The following ZCCHC4 variants were observed in gnomAD, a reference collection of about 807,000 sequenced individuals.
The protein encoded by ZCCHC4 is rRNA N(6)-adenosine-methyltransferase ZCCHC4.
ZCCHC4 carries 54 observed loss-of-function variants against 67.7 expected under a neutral mutation model. The observed-to-expected ratio is 0.80, with a 90% CI of 0.64 to 1.00. The LOEUF (loss-of-function observed/expected upper bound fraction) is 1.00. Ranked by LOEUF, ZCCHC4 falls within the 50% of genes least tolerant of loss-of-function variation. The pLI, the probability that ZCCHC4 is intolerant of heterozygous loss-of-function variation, is 0.00. For missense variants in ZCCHC4, 609 were observed against 617.0 expected (o/e 0.99, Z 0.14); for synonymous variants, 198 against 213.5 (o/e 0.93, Z 0.63).
intron 4 of ZCCHC4, 99 bp from the exon 5 acceptor site, chr4:25,333,809 A>G (rs1182537033): frequency 1.1e-6 from 1 of 886,426 alleles, no homozygotes; most frequent in Non-Finnish European, 1.7e-6. Flanking sequence ...TTGAAATATC[A>G]TAAATACCAG....
chr4:25,328,550 C>G (rs143289069), intron 3 of ZCCHC4, among the ~76,000 whole-genome samples: 2 of 151,316 alleles, frequency 1.3e-5, no homozygotes, highest in East Asian at 4.0e-4. Context: ...CACAATCTAT[C>G]TTTTTTCCTC....
At chr4:25,337,274 T>A (rs1719505221) in intron 5 of ZCCHC4, among the ~76,000 whole-genome samples, 1 of 152,234 alleles carries the variant, frequency 6.6e-6, no homozygotes, top group Non-Finnish European at 1.5e-5. Context: ...CAGGCTTTAG[T>A]CTAGTTGAGA....
intron 3 of ZCCHC4, among the ~76,000 whole-genome samples, chr4:25,317,332 C>T (rs192201858): frequency 1.4e-4 from 21 of 152,194 alleles, no homozygotes; most frequent in Non-Finnish European, 2.4e-4. Flanking sequence ...TTGATTGTCC[C>T]TTAACTACAG....
chr4:25,360,990 C>A (rs1433092696), intron 8 of ZCCHC4, among the ~76,000 whole-genome samples: 4 of 152,160 alleles, frequency 2.6e-5, no homozygotes, highest in Non-Finnish European at 5.9e-5. Flanking sequence ...GTACTGATAC[C>A]TGGGTGGTCT....
At chr4:25,314,861 T>C (rs1718169903) in intron 2 of ZCCHC4, among the ~76,000 whole-genome samples, 2 of 152,294 alleles carry the variant, frequency 1.3e-5, no homozygotes, top group South Asian at 4.1e-4. Context: ...TTTTTGAACA[T>C]TTGCATTGAA....
chr4:25,355,441 G>T (rs1720479700), intron 8 of ZCCHC4, among the ~76,000 whole-genome samples: 1 of 152,152 alleles, frequency 6.6e-6, no homozygotes, highest in Admixed American at 6.5e-5. Context: ...CCACCATGGG[G>T]GTGGGGTCAG....
chr4:25,313,484 C>T (rs1718064460), intron 1 of ZCCHC4, among the ~76,000 whole-genome samples: 1 of 152,160 alleles, frequency 6.6e-6, no homozygotes, highest in South Asian at 2.1e-4. Context: ...AGCAACTGTA[C>T]CGACAATAGC....
chr4:25,339,546 G>A (rs1719626062), intron 5 of ZCCHC4, among the ~76,000 whole-genome samples: 1 of 152,046 alleles, frequency 6.6e-6, no homozygotes, highest in Non-Finnish European at 1.5e-5. Context: ...GTGCTTATAG[G>A]CCATTTGTTT....
chr4:25,357,691 G>T lies in ZCCHC4; in HGVS notation c.1012-4168G>T, dbSNP rs552277402. Among the ~76,000 whole-genome samples the T allele has an allele frequency of 2.6e-5, 4 of 152,268 alleles. No individual in the cohort carries two copies. The East Asian group carries it at 7.7e-4, about 29-fold the overall frequency. On this transcript the variant is annotated intron_variant, in intron 8 of 12. Coordinates refer to ENST00000302874, the MANE Select transcript of ZCCHC4 (RefSeq NM_024936.3). Reference sequence around the variant, plus strand: ...AGCTTACAAGCCAGTTTTGTTGTAAGTTCTTTTGTATTCTTGTTTATTATA... The same window carrying T: ...AGCTTACAAGCCAGTTTTGTTGTAATTTCTTTTGTATTCTTGTTTATTATA...
rs114507185 is a variant in ZCCHC4 at position 25,360,917 on chromosome 4, A to G, written c.1012-942A>G. Reference sequence around the variant, plus strand: ...GAAACTGGGCATGGGCAAAGTAGCCAATGGGCTGAACTTAGAGCATTGTGG... The same window carrying G: ...GAAACTGGGCATGGGCAAAGTAGCCGATGGGCTGAACTTAGAGCATTGTGG... On this transcript the variant is annotated intron_variant, in intron 8 of 12. Transcript: ENST00000302874. Among the ~76,000 whole-genome samples, 1,283 of 152,308 alleles carry G rather than the reference A, an allele frequency of 8.4e-3. 12 individuals are homozygous for G. The highest frequency in any genetic ancestry group is 0.028 in the African/African-American group (1,177 of 41,562).
At position 25,352,300 on chromosome 4, in the gene ZCCHC4, G is replaced by T. The variant is rs115505333; in HGVS notation, c.1011+611G>T. Reference sequence around the variant, plus strand: ...CTGCTGTCCACAGCAGCTCCACCTGGTCTTTTAAGTTCATTCTGCTTTAAA... The same window carrying T: ...CTGCTGTCCACAGCAGCTCCACCTGTTCTTTTAAGTTCATTCTGCTTTAAA... On this transcript the variant is annotated intron_variant, in intron 8 of 12. Transcript: ENST00000302874. The T allele has an allele frequency of 1.9e-3, 1,857 of 985,310 alleles. 26 individuals are homozygous for T. The African/African-American group carries it at 0.03, about 16-fold the overall frequency. The allele number at this position is 985,310 out of a possible 1,614,324, so 61.0% of individuals were successfully genotyped here.
chr4:25,368,237 C>T (rs139073648), intron 12 of ZCCHC4, among the ~76,000 whole-genome samples: 2 of 152,092 alleles, frequency 1.3e-5, no homozygotes, highest in Non-Finnish European at 2.9e-5. Flanking sequence ...GGGGAGGAGT[C>T]CTGGTTTGGC....
chr4:25,322,095 T>C (rs1310556012), intron 3 of ZCCHC4, among the ~76,000 whole-genome samples: 1 of 152,288 alleles, frequency 6.6e-6, no homozygotes, highest in Admixed American at 6.5e-5. Context: ...TGAAAAAATA[T>C]ACACCTTAGA....
intron 5 of ZCCHC4, among the ~76,000 whole-genome samples, chr4:25,340,244 A>G (rs1719671318): frequency 6.6e-6 from 1 of 152,144 alleles, no homozygotes. Flanking sequence ...AGCACCGTTT[A>G]TTGAAAAGAC....
In ZCCHC4 at chr4:25,361,919, G is replaced by A. The variant is rs373789393; in HGVS notation, c.1072G>A (p.Val358Met). 6 of 1,613,786 alleles carry A rather than the reference G, an allele frequency of 3.7e-6. No homozygotes were observed. The highest frequency in any genetic ancestry group is 2.7e-5 in the African/African-American group (2 of 74,902). Residue 358 changes from valine to methionine, a missense_variant, in exon 9 of 13, where the codon GTG becomes ATG. Physicochemically the swap from Val to Met is conservative, Grantham distance 21 (BLOSUM62 1). Coordinates refer to ENST00000302874, the MANE Select transcript of ZCCHC4 (RefSeq NM_024936.3). ...HGKTGRKQSP[V>M]RIFTNIPPNK... ...AAAGACAGGTCGAAAACAGTCTCCC[G>A]TGCGTATTTTCACCAACATTCCGCC...
rs557881045 is a variant in ZCCHC4 at position 25,361,623 on chromosome 4, G to T, written c.1012-236G>T. ...ACAGCTTGCGCCCAGTCTCGCTCAT[G>T]CCCAGAGAGAAAAAGCCATGTCGAA... On this transcript the variant is annotated intron_variant, in intron 8 of 12. Coordinates refer to ENST00000302874, the MANE Select transcript of ZCCHC4 (RefSeq NM_024936.3). The T allele has an allele frequency of 3.7e-5, 17 of 463,660 alleles. No homozygotes were observed. In the Admixed American group the frequency reaches 5.0e-4, roughly 14 times the overall value. The allele number at this position is 463,660 out of a possible 1,614,324, so 28.7% of individuals were successfully genotyped here.
chr4:25,366,942 T>A (rs1249904241), intron 12 of ZCCHC4, among the ~76,000 whole-genome samples: 1 of 152,202 alleles, frequency 6.6e-6, no homozygotes, highest in African/African-American at 2.4e-5. Context: ...GAGATGTGGA[T>A]GCCTGATAAT....
intron 5 of ZCCHC4, among the ~76,000 whole-genome samples, chr4:25,339,807 A>C (rs1235606831): frequency 6.6e-6 from 1 of 151,390 alleles, no homozygotes; most frequent in African/African-American, 2.4e-5. Flanking sequence ...GAGTGTCTAT[A>C]CCCATGTTTT....
chr4:25,330,204 TG>T (rs1193670375), intron 3 of ZCCHC4, among the ~76,000 whole-genome samples: 1 of 152,164 alleles, frequency 6.6e-6, no homozygotes, highest in African/African-American at 2.4e-5. Flanking sequence ...TTGGCCAGGC[TG>T]GTCTCAAACT....
Sources: allele counts gnomAD v4.1 joint callset (sites outside exome capture counted in the v4.1 genomes callset), GRCh38; gene constraint gnomAD v4.1.1; transcripts MANE v1.5; gene names NCBI Gene and HGNC (gene_info 2026-07-23, HGNC 2026-07-21).